HYAL4: variants seen among roughly 807,000 people sequenced by gnomAD.
HYAL4 encodes the protein hyaluronidase-4.
In HYAL4, 37 loss-of-function variants were observed where a neutral mutation model predicts 35.2. The ratio of observed to expected loss-of-function variants is 1.05; its 90% CI spans 0.81 to 1.38. HYAL4 has a LOEUF of 1.38. Among genes scored for constraint, HYAL4 ranks in the 40% most tolerant of loss-of-function variants. HYAL4 has a pLI of 0.00. For synonymous variants in HYAL4, 198 were observed against 203.2 expected (o/e 0.97, Z 0.22); for missense variants, 572 against 572.4 (o/e 1.00, Z 0.01).
the HYAL4 span, among the ~76,000 whole-genome samples, chr7:123,773,630 T>A: frequency 6.6e-6 from 1 of 152,326 alleles, no homozygotes; most frequent in South Asian, 2.1e-4. Flanking sequence ...TACCTTGGGG[T>A]GTGTGCATGT....
At chr7:123,771,202 C>T in the HYAL4 span, among the ~76,000 whole-genome samples, 1 of 152,100 alleles carries the variant, frequency 6.6e-6, no homozygotes, top group African/African-American at 2.4e-5. Flanking sequence ...CTTCAACTGA[C>T]AAATAAATAA....
In HYAL4 at chr7:123,868,467, T is replaced by G; in HGVS notation, c.194T>G (p.Leu65Ter). ...PTDQCLIKYN[L>*]RLNLKMFPVI... ...GATCAGTGTTTGATAAAATATAATT[T>G]AAGACTAAATTTGAAAATGTTTCCT... is the stretch of plus-strand genomic sequence containing the variant. The change falls in exon 3 of 5, where the codon TTA becomes TGA. Residue 65 changes from leucine to a stop codon, truncating the protein, a stop_gained. Coordinates refer to ENST00000223026, the MANE Select transcript of HYAL4 (RefSeq NM_012269.3). LOFTEE classifies it high-confidence loss of function. The G allele has an allele frequency of 3.1e-6, 5 of 1,604,810 alleles. No individual in the cohort carries two copies. Among genetic ancestry groups the G allele is most frequent in the Non-Finnish European group, 4.2e-6 (5 of 1,177,812 alleles).
chr7:123,826,197 G>C (rs1301024495), upstream of HYAL4, among the ~76,000 whole-genome samples: 1 of 152,054 alleles, frequency 6.6e-6, no homozygotes, highest in African/African-American at 2.4e-5. Flanking sequence ...TGGGTTCTGG[G>C]AAATTGGTGA....
upstream of HYAL4, among the ~76,000 whole-genome samples, chr7:123,841,912 T>C (rs927016116): frequency 6.6e-6 from 1 of 152,028 alleles, no homozygotes; most frequent in African/African-American, 2.4e-5. Context: ...GCTAGCAGTC[T>C]ATCGATTTTG....
chr7:123,798,429 C>A, the HYAL4 span, among the ~76,000 whole-genome samples: 1 of 152,068 alleles, frequency 6.6e-6, no homozygotes, highest in Non-Finnish European at 1.5e-5. Flanking sequence ...ATCTTAGAAC[C>A]ATAATTTAGC....
In HYAL4 at chr7:123,869,121, A is replaced by G. The variant is rs373226382; in HGVS notation, c.848A>G (p.His283Arg). 62 of 1,614,164 alleles carry G rather than the reference A, an allele frequency of 3.8e-5. No individual in the cohort carries two copies. The South Asian group carries it at 5.1e-4, about 13-fold the overall frequency. The change falls in exon 3 of 5, where the codon CAT becomes CGT. Residue 283 changes from histidine (H) to arginine (R), a missense_variant. Physicochemically the swap from His to Arg is conservative, Grantham distance 29. Transcript: ENST00000223026. ...NILRFSKFRV[H>R]ESMRISTMTS... ...TTGCGCTTCTCCAAATTTCGGGTGCATGAATCCATGAGGATCTCCACCATG... is the reference window on the plus strand; with the variant it reads ...TTGCGCTTCTCCAAATTTCGGGTGCGTGAATCCATGAGGATCTCCACCATG...
chr7:123,850,907 C>A (rs991181444), intron 2 of HYAL4, among the ~76,000 whole-genome samples: 1 of 151,868 alleles, frequency 6.6e-6, no homozygotes, highest in East Asian at 1.9e-4. Context: ...GAAATTCTCT[C>A]AAGATTACAT....
intron 1 of HYAL4, among the ~76,000 whole-genome samples, chr7:123,831,496 G>A (rs1805882045): frequency 6.6e-6 from 1 of 152,036 alleles, no homozygotes; most frequent in Non-Finnish European, 1.5e-5. Flanking sequence ...TTTTGGTTTG[G>A]TTCAACAACT....
At chr7:123,827,686 C>A (rs905490219), upstream of HYAL4, among the ~76,000 whole-genome samples, 3 of 152,054 alleles carry the variant, frequency 2.0e-5, no homozygotes, top group East Asian at 3.9e-4. Context: ...AAAGTGCTGG[C>A]CTCGTTCAAC....
chr7:123,865,859 A>C (rs1806675391), intron 2 of HYAL4, among the ~76,000 whole-genome samples: 1 of 152,124 alleles, frequency 6.6e-6, no homozygotes, highest in African/African-American at 2.4e-5. Context: ...GAGTTAATGG[A>C]CTCACAGATC....
At chr7:123,842,348 T>C (rs574399729), upstream of HYAL4, among the ~76,000 whole-genome samples, 1 of 152,198 alleles carries the variant, frequency 6.6e-6, no homozygotes, top group Admixed American at 6.5e-5. Context: ...TTGATTGCAC[T>C]GTGGTCTGAG....
chr7:123,823,354 A>G, the HYAL4 span, among the ~76,000 whole-genome samples: 1 of 152,004 alleles, frequency 6.6e-6, no homozygotes, highest in East Asian at 1.9e-4. Flanking sequence ...TTGGGTTGCT[A>G]TTATTTTGTT....
chr7:123,841,913 A>G (rs1398002977), upstream of HYAL4, among the ~76,000 whole-genome samples: 1 of 151,820 alleles, frequency 6.6e-6, no homozygotes, highest in Non-Finnish European at 1.5e-5. Flanking sequence ...CTAGCAGTCT[A>G]TCGATTTTGT....
chr7:123,775,026 T>C, the HYAL4 span, among the ~76,000 whole-genome samples: 1 of 152,238 alleles, frequency 6.6e-6, no homozygotes, highest in African/African-American at 2.4e-5. Flanking sequence ...GTTTCCACTC[T>C]GGATACCTGG....
intron 2 of HYAL4, among the ~76,000 whole-genome samples, chr7:123,856,007 G>T (rs749719124): frequency 1.3e-5 from 2 of 151,528 alleles, no homozygotes; most frequent in Admixed American, 1.3e-4. Context: ...TGATACTTGT[G>T]TATGCTTCAT....
the HYAL4 span, among the ~76,000 whole-genome samples, chr7:123,796,363 A>T: frequency 1.1e-4 from 16 of 152,342 alleles, no homozygotes; most frequent in South Asian, 1.7e-3. Context: ...TTTTTAAAGA[A>T]ACATTTACGT....
intron 2 of HYAL4, among the ~76,000 whole-genome samples, chr7:123,861,885 C>G (rs1310096538): frequency 6.6e-6 from 1 of 151,996 alleles, no homozygotes; most frequent in Non-Finnish European, 1.5e-5. Flanking sequence ...TAATGAAATA[C>G]TGTTATAGAG....
At chr7:123,837,548 T>C (rs889346733) in intron 1 of HYAL4, among the ~76,000 whole-genome samples, 2 of 152,320 alleles carry the variant, frequency 1.3e-5, no homozygotes, top group Admixed American at 6.5e-5. Flanking sequence ...AATTATACTT[T>C]AAGTTTTAGG....
At chr7:123,780,355 C>A in the HYAL4 span, among the ~76,000 whole-genome samples, 4 of 152,138 alleles carry the variant, frequency 2.6e-5, no homozygotes, top group African/African-American at 9.7e-5. Flanking sequence ...CTTTATCAGC[C>A]TAGTTCCCTA....
Sources: allele counts gnomAD v4.1 joint callset (sites outside exome capture counted in the v4.1 genomes callset), GRCh38; gene constraint gnomAD v4.1.1; transcripts MANE v1.5; gene names NCBI Gene and HGNC (gene_info 2026-07-23, HGNC 2026-07-21).